Variants in RPS6KA2 observed in about 807,000 individuals in gnomAD.
The protein encoded by RPS6KA2 is ribosomal protein S6 kinase A2.
A neutral mutation model predicts 91.8 loss-of-function variants in RPS6KA2; 42 were observed. The observed-to-expected ratio is 0.46, with a 90% CI of 0.36 to 0.59. RPS6KA2 has a LOEUF of 0.59. Ranked by LOEUF, RPS6KA2 falls within the 20% of genes least tolerant of loss-of-function variation. The probability of loss-of-function intolerance (pLI) is 0.00; values close to 1 mark genes in which losing one functional copy is unlikely to be tolerated. For synonymous variants in RPS6KA2, 414 were observed against 393.6 expected, an observed-to-expected ratio of 1.05 and a Z score of -0.61; for missense variants, 798 against 978.5, an observed-to-expected ratio of 0.82 and a Z score of 2.46.
intron 2 of RPS6KA2, among the ~76,000 whole-genome samples, chr6:166,721,913 A>C (rs964118052): frequency 6.6e-6 from 1 of 152,298 alleles, no homozygotes; most frequent in East Asian, 1.9e-4. Flanking sequence ...CCTGATTCCT[A>C]TCATGCTTCC....
intron 9 of RPS6KA2, among the ~76,000 whole-genome samples, chr6:166,489,144 T>C (rs1171045478): frequency 6.6e-6 from 1 of 152,196 alleles, no homozygotes; most frequent in Non-Finnish European, 1.5e-5. Flanking sequence ...CAGTAGAAAG[T>C]AAAGTGAGAA....
At chr6:166,583,133 C>T (rs1276689776) in intron 1 of RPS6KA2, among the ~76,000 whole-genome samples, 1 of 152,188 alleles carries the variant, frequency 6.6e-6, no homozygotes, top group Non-Finnish European at 1.5e-5. Flanking sequence ...TACTCGCATT[C>T]GCATACTTTT....
rs1405265098 is a variant in RPS6KA2, at chr6:166,434,802, A to G, written c.1333-2312T>C. On this transcript the variant is annotated intron_variant, in intron 14 of 20. Transcript: ENST00000265678. This position sits in a 1 kb window ranked among gnomAD's most constrained non-coding sequence, Gnocchi z 4.4. ...CACGGACCATCTTCAAGATACAAGG[A>G]GTAAAAAAGGCCGACGCGAGCAGGT... Among the ~76,000 whole-genome samples, 1 of 152,184 alleles carries G rather than the reference A, an allele frequency of 6.6e-6. No individual in the cohort carries two copies. The highest frequency in any genetic ancestry group is 1.5e-5 in the Non-Finnish European group (1 of 68,032).
At chr6:166,624,243 T>TTTTCAAAGTCTTTGTATA (rs1786749093) in intron 1 of RPS6KA2, among the ~76,000 whole-genome samples, 1 of 152,232 alleles carries the variant, frequency 6.6e-6, no homozygotes, top group African/African-American at 2.4e-5. Context: ...ATAACAAAAA[T>TTTTCAAAGTCTTTGTATA]TTTCAAAGTC....
At chr6:166,643,680 G>T (rs1000931344) in intron 2 of RPS6KA2, among the ~76,000 whole-genome samples, 2 of 152,218 alleles carry the variant, frequency 1.3e-5, no homozygotes, top group African/African-American at 4.8e-5. Flanking sequence ...TCTGGACGAT[G>T]TGGTACCTGC....
intron 14 of RPS6KA2, among the ~76,000 whole-genome samples, chr6:166,441,747 G>T (rs1779524525): frequency 6.6e-6 from 1 of 152,260 alleles, no homozygotes; most frequent in Admixed American, 6.5e-5. Context: ...GGACGAGCAG[G>T]CTGTGATCCA....
chr6:166,683,825 A>G (rs1788914833), intron 2 of RPS6KA2, among the ~76,000 whole-genome samples: 1 of 152,164 alleles, frequency 6.6e-6, no homozygotes. Context: ...CAGCCTGGAG[A>G]TACAGGAGAG....
rs1263896194 is a variant in RPS6KA2, at chr6:166,508,918, T to C, written c.380-636A>G. ...CACACTCAGCAAGGGCCTGCCTCTG[T>C]TGAGCGGGCGCATGAGCACGGGAGG... On this transcript the variant is annotated intron_variant, in intron 4 of 20. Coordinates refer to ENST00000265678, the MANE Select transcript of RPS6KA2 (RefSeq NM_021135.6). This position sits in a 1 kb window ranked among gnomAD's most constrained non-coding sequence, Gnocchi z 4.3. Among the ~76,000 whole-genome samples the C allele has an allele frequency of 6.6e-6, 1 of 152,138 alleles. No homozygotes were observed. Among genetic ancestry groups the C allele is most frequent in the East Asian group, 1.9e-4 (1 of 5,188 alleles).
intron 1 of RPS6KA2, among the ~76,000 whole-genome samples, chr6:166,611,312 C>T (rs1786164345): frequency 6.6e-6 from 1 of 152,190 alleles, no homozygotes; most frequent in African/African-American, 2.4e-5. Flanking sequence ...GAACCAATAA[C>T]ACAAATACAT....
Position 166,661,700 on chromosome 6 carries a change from A to C in RPS6KA2, c.124-122916T>G, listed in dbSNP as rs1285944289. ...ATTAATAGTTTTCAATATTTTAGTA[A>C]GTCAAATCGAATAGCTTCTTTTTTT... On this transcript the variant is annotated intron_variant, in intron 2 of 21. Transcript: ENST00000503859. Among the ~76,000 whole-genome samples the C allele has an allele frequency of 2.0e-5, 3 of 152,162 alleles. No homozygotes were observed. The East Asian group carries it at 5.8e-4, about 29-fold the overall frequency.
intron 1 of RPS6KA2, among the ~76,000 whole-genome samples, chr6:166,546,412 C>A (rs999499066): frequency 2.6e-5 from 4 of 152,022 alleles, no homozygotes; most frequent in African/African-American, 9.7e-5. Flanking sequence ...GACAGTGATA[C>A]CAGGACGCAT....
chr6:166,539,974 A>C (rs1383829861), intron 1 of RPS6KA2, among the ~76,000 whole-genome samples: 1 of 152,222 alleles, frequency 6.6e-6, no homozygotes, highest in Non-Finnish European at 1.5e-5. Flanking sequence ...AAAAACAGCA[A>C]CCAGGAATTG....
chr6:166,500,957 G>GA lies in RPS6KA2; in HGVS notation c.567-34dup. ...AAAGGGAGAGAAAACAGATGCTTTAGAAAGAGACCCAGCCTGCCGACGGGC... is the reference window on the plus strand; with the variant it reads ...AAAGGGAGAGAAAACAGATGCTTTAGAAAAGAGACCCAGCCTGCCGACGGGC... On this transcript the variant is annotated intron_variant, in intron 6 of 20. Coordinates refer to ENST00000265678, the MANE Select transcript of RPS6KA2 (RefSeq NM_021135.6). The surrounding 1 kb of genome is among the most constrained non-coding windows in gnomAD (Gnocchi z 4.3). 1 of 1,607,092 alleles carries GA rather than the reference G, an allele frequency of 6.2e-7. No individual in the cohort carries two copies. The highest frequency in any genetic ancestry group is 8.5e-7 in the Non-Finnish European group (1 of 1,174,126).
At chr6:166,814,283 T>A (rs2128621247) in intron 2 of RPS6KA2, among the ~76,000 whole-genome samples, 1 of 152,366 alleles carries the variant, frequency 6.6e-6, no homozygotes, top group Admixed American at 6.5e-5. Context: ...AAATCTAATT[T>A]AAAAATCATA....
intron 2 of RPS6KA2, among the ~76,000 whole-genome samples, chr6:166,636,803 C>T (rs1787255278): frequency 6.6e-6 from 1 of 152,158 alleles, no homozygotes; most frequent in Non-Finnish European, 1.5e-5. Context: ...AAATTTAGAA[C>T]AAACAGGATT....
intron 2 of RPS6KA2, among the ~76,000 whole-genome samples, chr6:166,688,875 A>G (rs1424638291): frequency 1.3e-5 from 2 of 152,266 alleles, no homozygotes; most frequent in Non-Finnish European, 2.9e-5. Flanking sequence ...GTGCTCCTAA[A>G]AAATTACAAG....
chr6:166,845,653 A>G (rs567318470), intron 2 of RPS6KA2, among the ~76,000 whole-genome samples: 2 of 152,282 alleles, frequency 1.3e-5, no homozygotes, highest in African/African-American at 4.8e-5. Flanking sequence ...TTAAAAAATT[A>G]TTTGAGCTGA....
At position 166,648,186 on chromosome 6, in the gene RPS6KA2, A is replaced by T. The variant is rs2345253; in HGVS notation, c.124-109402T>A. Among the ~76,000 whole-genome samples the T allele has an allele frequency of 1.5e-5, 2 of 132,018 alleles. No individual in the cohort carries two copies. The highest frequency in any genetic ancestry group is 1.6e-5 in the Non-Finnish European group (1 of 61,114). The allele number at this position is 132,018 out of a possible 152,430, so 86.6% of individuals were successfully genotyped here. ...CATGCACACATGCTCACACACATGC[A>T]CACATGCTCATACACACACTCATGC... On this transcript the variant is annotated intron_variant, in intron 2 of 21. Coordinates refer to the RPS6KA2 transcript ENST00000503859. The surrounding 1 kb of genome is among the most constrained non-coding windows in gnomAD (Gnocchi z 4.8).
At chr6:166,710,306 T>C (rs1789805203) in intron 2 of RPS6KA2, among the ~76,000 whole-genome samples, 1 of 152,234 alleles carries the variant, frequency 6.6e-6, no homozygotes, top group African/African-American at 2.4e-5. Context: ...TAATCAGTTA[T>C]ATTGGACAGA....
Sources: allele counts gnomAD v4.1 joint callset (sites outside exome capture counted in the v4.1 genomes callset), GRCh38; gene constraint gnomAD v4.1.1; non-coding constraint Gnocchi (gnomAD v3.1); transcripts MANE v1.5; gene names NCBI Gene and HGNC (gene_info 2026-07-23, HGNC 2026-07-21).